GSTA1: variants seen among roughly 807,000 people sequenced by gnomAD.
GSTA1 encodes glutathione S-transferase alpha 1, also known as glutathione S-transferase A1.
GSTA1 carries 23 observed loss-of-function variants against 21.5 expected under a neutral mutation model. That is an observed-to-expected ratio of 1.07 (90% CI 0.77 to 1.52). GSTA1 has a LOEUF of 1.52. GSTA1 is among the 40% of genes most tolerant of loss of function. GSTA1 has a pLI of 0.00. For missense variants in GSTA1, 301 were observed against 264.2 expected (o/e 1.14, Z -0.96); for synonymous variants, 125 against 90.0 (o/e 1.39, Z -2.20).
intron 3 of GSTA1, among the ~76,000 whole-genome samples, chr6:52,796,543 A>ATATATAT (rs1300549721): frequency 1.6e-3 from 38 of 23,738 alleles, no homozygotes; most frequent in East Asian, 3.9e-3. Flanking sequence ...ATATATATAT[A>ATATATAT]TTTTTTTTTT....
intron 1 of GSTA1, 53 bp downstream of exon 1, chr6:52,803,732 C>G (rs1009408159): frequency 1.1e-5 from 2 of 178,514 alleles, no homozygotes; most frequent in African/African-American, 4.7e-5. Context: ...TTCTAGGAGG[C>G]TAGAGAGGAG....
At position 52,791,636 on chromosome 6, in the gene GSTA1, G is replaced by C. The variant is rs186393312; in HGVS notation, c.*222C>G. On this transcript the variant is annotated 3_prime_UTR_variant, in exon 7 of 7. Coordinates refer to ENST00000334575, the MANE Select transcript of GSTA1 (RefSeq NM_145740.5). ...ATTTTTAATTCCAGGAAAATGGTTG[G>C]CTAGGAGAAGATTGGAAATCTGAAT... The C allele has an allele frequency of 6.1e-6, 3 of 489,194 alleles. No individual in the cohort carries two copies. In the East Asian group the frequency reaches 1.1e-4, roughly 19 times the overall value. 30.3% of individuals were successfully genotyped at this position (489,194 alleles called of 1,614,324 possible).
chr6:52,795,375 A>G (rs1763552180), intron 4 of GSTA1, among the ~76,000 whole-genome samples: 1 of 152,114 alleles, frequency 6.6e-6, no homozygotes, highest in Non-Finnish European at 1.5e-5. Context: ...ATTGATGGAT[A>G]TTTGAGTTGT....
At chr6:52,798,116 T>G (rs1218877646) in intron 2 of GSTA1, among the ~76,000 whole-genome samples, 69 of 152,212 alleles carry the variant, frequency 4.5e-4, no homozygotes, top group Non-Finnish European at 6.8e-4. Context: ...CCCTGCTAAG[T>G]GTGAAATAGG....
chr6:52,799,599 G>T (rs745497454), intron 1 of GSTA1, among the ~76,000 whole-genome samples: 4 of 152,162 alleles, frequency 2.6e-5, no homozygotes, highest in Non-Finnish European at 5.9e-5. Context: ...AAGAATTCAA[G>T]AACTAATATT....
chr6:52,791,670 G>T lies in GSTA1; in HGVS notation c.*188C>A. The T allele has an allele frequency of 1.5e-6, 1 of 659,520 alleles. No individual in the cohort carries two copies. Among genetic ancestry groups the T allele is most frequent in the South Asian group, 2.3e-5 (1 of 43,616 alleles). The allele number at this position is 659,520 out of a possible 1,614,324, so 40.9% of individuals were successfully genotyped here. On this transcript the variant is annotated 3_prime_UTR_variant, in exon 7 of 7. Transcript: ENST00000334575. Reference sequence around the variant, plus strand: ...AGATTGGAAATCTGAATTCACATCAGATCCTAATGAAAACAAATCAATTTT... The same window carrying T: ...AGATTGGAAATCTGAATTCACATCATATCCTAATGAAAACAAATCAATTTT...
chr6:52,800,766 TTTTCTC>T (rs1363406217), intron 1 of GSTA1, among the ~76,000 whole-genome samples: 1 of 152,210 alleles, frequency 6.6e-6, no homozygotes, highest in Non-Finnish European at 1.5e-5. Flanking sequence ...AACAGTTGCG[TTTTCTC>T]TCCAAACCCC....
At chr6:52,801,021 A>G (rs1274503661) in intron 1 of GSTA1, among the ~76,000 whole-genome samples, 1 of 152,136 alleles carries the variant, frequency 6.6e-6, no homozygotes, top group African/African-American at 2.4e-5. Context: ...AGCTGGGATT[A>G]CAGGCATGTG....
At chr6:52,794,047 G>T in intron 5 of GSTA1, 78 bp downstream of exon 5, 1 of 1,570,126 alleles carries the variant, frequency 6.4e-7, no homozygotes, top group South Asian at 1.1e-5. Flanking sequence ...GAAGATCAGT[G>T]ACCCAGGAAT....
intron 3 of GSTA1, among the ~76,000 whole-genome samples, chr6:52,796,729 A>T: frequency 6.7e-6 from 1 of 150,366 alleles, no homozygotes; most frequent in Non-Finnish European, 1.5e-5. Flanking sequence ...TTTTACAAGC[A>T]ATAGGGTCTC....
rs1763506715 is a variant in GSTA1, at chr6:52,793,486, G to A, written c.415-499C>T. On this transcript the variant is annotated intron_variant, in intron 5 of 6. Transcript: ENST00000334575. ...CCTCATTCCCTGCTCTATCTCCCTGGGATCTGTAGGAAACCTGGGTGAACC... is the reference window on the plus strand; with the variant it reads ...CCTCATTCCCTGCTCTATCTCCCTGAGATCTGTAGGAAACCTGGGTGAACC... 6.6e-5 allele frequency among the ~76,000 whole-genome samples: 10 copies of A among 152,102 alleles called. No homozygotes were observed. In the South Asian group the frequency reaches 1.2e-3, roughly 19 times the overall value.
chr6:52,792,606 T>G lies in GSTA1; in HGVS notation c.546+250A>C, dbSNP rs1763483715. 3 of 776,366 alleles carry G rather than the reference T, an allele frequency of 3.9e-6. No homozygotes were observed. In the African/African-American group the frequency reaches 5.3e-5, roughly 14 times the overall value. The allele number at this position is 776,366 out of a possible 1,614,324, so 48.1% of individuals were successfully genotyped here. A position where few individuals can be genotyped will look rare whatever the true frequency, so the allele number is the denominator to read the frequency against. Reference sequence around the variant, plus strand: ...GAAATAGAGGGATGGGGAGAGATGCTGGGCCCTGGGTTCTTTCCATAATAA... The same window carrying G: ...GAAATAGAGGGATGGGGAGAGATGCGGGGCCCTGGGTTCTTTCCATAATAA... On this transcript the variant is annotated intron_variant, in intron 6 of 6. Transcript: ENST00000334575.
intron 5 of GSTA1, among the ~76,000 whole-genome samples, chr6:52,793,323 G>A (rs1324093618): frequency 2.6e-5 from 4 of 152,136 alleles, no homozygotes; most frequent in Non-Finnish European, 5.9e-5. Context: ...ACAGCGTGGA[G>A]CCCTCACATT....
In GSTA1 at chr6:52,791,977, G is replaced by C. The variant is rs752825783; in HGVS notation, c.550C>G (p.Leu184Val). ...LISSFPLLKA[L>V]KTRISNLPTV... is the part of the protein sequence containing the mutation. ...GGCAGGTTGCTGATTCTGGTTTTCA[G>C]GGCCTGTAATTCATAAAGCACAGCC... Residue 184 changes from leucine to valine, a missense_variant, in exon 7 of 7, where the codon CTG (leucine) becomes GTG (valine). Coordinates refer to ENST00000334575, the MANE Select transcript of GSTA1 (RefSeq NM_145740.5). 1.9e-6 allele frequency: 3 copies of C among 1,613,892 alleles called. No individual in the cohort carries two copies. In the Admixed American group the frequency reaches 5.0e-5, roughly 27 times the overall value.
chr6:52,795,108 G>GTGT (rs1554144111), intron 4 of GSTA1, among the ~76,000 whole-genome samples: 1 of 7,624 alleles, frequency 1.3e-4, no homozygotes, highest in Middle Eastern at 0.083. Flanking sequence ...ACCATTAGCA[G>GTGT]TATTCTTTTT....
At position 52,798,307 on chromosome 6, in the gene GSTA1, T is replaced by C. The variant is rs532578712; in HGVS notation, c.88-670A>G. On this transcript the variant is annotated intron_variant, in intron 2 of 6. Coordinates refer to ENST00000334575, the MANE Select transcript of GSTA1 (RefSeq NM_145740.5). ...GGCATTGGGGAATGCTTGTGTGTTC[T>C]AGAAGCCTCCTCCCCTCATTTTAAC... is the stretch of plus-strand genomic sequence containing the variant. Among the ~76,000 whole-genome samples, 175 of 145,134 alleles carry C rather than the reference T, an allele frequency of 1.2e-3. 1 individual carries two copies. Among genetic ancestry groups the C allele is most frequent in the Admixed American group, 3.1e-3 (45 of 14,398 alleles).
chr6:52,803,274 A>G (rs1763758065), intron 1 of GSTA1, among the ~76,000 whole-genome samples: 1 of 152,168 alleles, frequency 6.6e-6, no homozygotes, highest in African/African-American at 2.4e-5. Context: ...GAGACAGAAT[A>G]TGACTTGTCT....
chr6:52,796,068 C>G, intron 4 of GSTA1, 114 bp downstream of exon 4: 1 of 1,520,316 alleles, frequency 6.6e-7, no homozygotes, highest in South Asian at 1.2e-5. Flanking sequence ...GCGTACATGC[C>G]CAAGGCCCAG....
In GSTA1 at chr6:52,799,264, C is replaced by A. The variant is rs773694727; in HGVS notation, c.4G>T (p.Ala2Ser). 1.4e-5 allele frequency: 22 copies of A among 1,613,174 alleles called. 2 individuals are homozygous for A. The South Asian group carries it at 2.2e-4, about 16-fold the overall frequency. The change falls in exon 2 of 7, where the codon GCA becomes TCA. Residue 2 changes from alanine (A) to serine (S), a missense_variant. Physicochemically the swap from Ala to Ser is moderately conservative, Grantham distance 99. Coordinates refer to ENST00000334575, the MANE Select transcript of GSTA1 (RefSeq NM_145740.5). ...AAGTAGTGGAGCTTGGGCTTCTCTGCCATGATAGCAGTCTCCTGGAGGTTT... is the reference window on the plus strand; with the variant it reads ...AAGTAGTGGAGCTTGGGCTTCTCTGACATGATAGCAGTCTCCTGGAGGTTT... Reference protein sequence around the residue: MAEKPKLHYFNA... With the variant: MSEKPKLHYFNA...
Sources: allele counts gnomAD v4.1 joint callset (sites outside exome capture counted in the v4.1 genomes callset), GRCh38; gene constraint gnomAD v4.1.1; transcripts MANE v1.5; gene names NCBI Gene and HGNC (gene_info 2026-07-23, HGNC 2026-07-21).